ANK3: variants seen among roughly 807,000 people sequenced by gnomAD.
ANK3 encodes the protein ankyrin-3.
A neutral mutation model predicts 370.9 loss-of-function variants in ANK3; 57 were observed. The ratio of observed to expected loss-of-function variants is 0.15; its 90% CI spans 0.12 to 0.19. The LOEUF (loss-of-function observed/expected upper bound fraction) is 0.19, where lower values mean the gene tolerates loss of function less well. Ranked by LOEUF, ANK3 falls within the 10% of genes least tolerant of loss-of-function variation. The probability of loss-of-function intolerance (pLI) is 1.00; values close to 1 mark genes in which losing one functional copy is unlikely to be tolerated. For missense variants in ANK3, 4,439 were observed against 5,302.1 expected, an observed-to-expected ratio of 0.84 and a Z score of 5.06; for synonymous variants, 1,929 against 1,946.3, an observed-to-expected ratio of 0.99 and a Z score of 0.23.
At chr10:60,510,713 G>A (rs1451395264) in intron 2 of ANK3, among the ~76,000 whole-genome samples, 2 of 152,018 alleles carry the variant, frequency 1.3e-5, no homozygotes, top group African/African-American at 4.8e-5. Flanking sequence ...CCAGCTACTC[G>A]GGAGGCTGAA....
chr10:60,626,360 A>C (rs1425958984), intron 1 of ANK3, among the ~76,000 whole-genome samples: 1 of 152,186 alleles, frequency 6.6e-6, no homozygotes, highest in Non-Finnish European at 1.5e-5. Context: ...AGTAGGTCTA[A>C]TAACAACTAT....
At chr10:60,033,536 A>ACC (rs35202181) in intron 43 of ANK3, among the ~76,000 whole-genome samples, 1 of 98,394 alleles carries the variant, frequency 1.0e-5, no homozygotes, top group African/African-American at 3.9e-5. Context: ...AAAAAAAAAA[A>ACC]AAACTTGGAA....
chr10:60,075,531 C>A lies in ANK3; in HGVS notation c.5350G>T (p.Ala1784Ser). 1 of 1,613,840 alleles carries A rather than the reference C, an allele frequency of 6.2e-7. No individual in the cohort carries two copies. The highest frequency in any genetic ancestry group is 8.5e-7 in the Non-Finnish European group (1 of 1,179,986). Residue 1784 changes from alanine to serine, a missense_variant, in exon 37 of 44, where the codon GCA (alanine) becomes TCA (serine). Ala to Ser is a moderately conservative substitution (Grantham distance 99). Transcript: ENST00000280772. ...PFSPLRSYVS[A>S]APSAFQSLRT... The stretch of plus-strand genomic sequence containing the variant: ...AGAGACTGAAAAGCTGATGGTGCTG[C>A]AGAAACATATGACCTGAGTGGGGAA...
At position 60,027,719 on chromosome 10, in the gene ANK3, T is replaced by G. The variant is rs1437579537; in HGVS notation, c.*2127A>C. The G allele has an allele frequency of 6.6e-6, 1 of 152,240 alleles. No homozygotes were observed. The highest frequency in any genetic ancestry group is 1.5e-5 in the Non-Finnish European group (1 of 68,044). The allele number at this position is 152,240 out of a possible 1,614,324, so 9.4% of individuals were successfully genotyped here. A position where few individuals can be genotyped will look rare whatever the true frequency, so the allele number is the denominator to read the frequency against. Reference sequence around the variant, plus strand: ...TGATGATCACAGTTACTACTATCACTACTACCATATGCTAAGCTGGTAACT... The same window carrying G: ...TGATGATCACAGTTACTACTATCACGACTACCATATGCTAAGCTGGTAACT... On this transcript the variant is annotated 3_prime_UTR_variant, in exon 44 of 44. Coordinates refer to ENST00000280772, the MANE Select transcript of ANK3 (RefSeq NM_020987.5).
intron 41 of ANK3, 44 bp from the exon 42 acceptor site, chr10:60,056,080 G>A (rs778673875): frequency 1.3e-6 from 2 of 1,549,988 alleles, no homozygotes; most frequent in East Asian, 4.5e-5. Context: ...AACTATGACT[G>A]AATATAGGTT....
At chr10:60,042,953 T>A (rs2076370711) in intron 42 of ANK3, 194 bp from the exon 43 acceptor site, 1 of 1,377,100 alleles carries the variant, frequency 7.3e-7, no homozygotes, top group Admixed American at 3.4e-5. Context: ...TAGAGAGCAC[T>A]GTCAAAATGA....
At chr10:60,315,982 T>C (rs563269637) in intron 1 of ANK3, among the ~76,000 whole-genome samples, 2 of 152,272 alleles carry the variant, frequency 1.3e-5, no homozygotes, top group East Asian at 1.9e-4. Context: ...GGTGGGCTAA[T>C]TGCAATGGAA....
chr10:60,072,265 A>G lies in ANK3; in HGVS notation c.8616T>C (p.His2872=), dbSNP rs1348165085. The G allele has an allele frequency of 1.2e-6, 2 of 1,614,126 alleles. No individual in the cohort carries two copies. The highest frequency in any genetic ancestry group is 3.3e-5 in the Admixed American group (2 of 60,002). ...TCTCTCTTACATCATGAACAAGTAC[A>G]TGCGAAAGTTTTTCTTTCTGAGACT... ...NNKSQKEKLS[H]VLVHDVRENH... is the part of the protein sequence containing the mutation. Residue 2872 remains histidine, a synonymous_variant, in exon 37 of 44, where the codon CAT becomes CAC. Transcript: ENST00000280772.
At chr10:60,358,005 C>T (rs1470044145) in intron 1 of ANK3, among the ~76,000 whole-genome samples, 1 of 151,982 alleles carries the variant, frequency 6.6e-6, no homozygotes, top group Non-Finnish European at 1.5e-5. Context: ...ATCTCCTGTC[C>T]CTTTTACATT....
chr10:60,274,811 C>A (rs942625143), intron 4 of ANK3, among the ~76,000 whole-genome samples: 5 of 152,168 alleles, frequency 3.3e-5, no homozygotes, highest in Non-Finnish European at 2.9e-5. Context: ...ATTCAAGTAA[C>A]ACCCCAAAAT....
Position 60,389,589 on chromosome 10 carries a change from T to A in ANK3, c.-51A>T. ...GCACACACGGCTTCCTTGTAAAAGG[T>A]GATATCCTCAGGCACCTCTAATCAG... is the stretch of plus-strand genomic sequence containing the variant. On this transcript the variant is annotated 5_prime_UTR_variant, in exon 1 of 44. Coordinates refer to ENST00000280772, the MANE Select transcript of ANK3 (RefSeq NM_020987.5). 6.2e-7 allele frequency: 1 copy of A among 1,605,748 alleles called. No homozygotes were observed. Among genetic ancestry groups the A allele is most frequent in the Non-Finnish European group, 8.5e-7 (1 of 1,177,450 alleles).
At position 60,092,011 on chromosome 10, in the gene ANK3, G is replaced by A. The variant is rs796817361; in HGVS notation, c.3329-3653C>T. On this transcript the variant is annotated intron_variant, in intron 28 of 43. Transcript: ENST00000280772. Reference sequence around the variant, plus strand: ...CCCAAAGTGCTGGGATTACGGGCGTGAGCCACCGCGCCAGGCTACGTTTGT... The same window carrying A: ...CCCAAAGTGCTGGGATTACGGGCGTAAGCCACCGCGCCAGGCTACGTTTGT... 2.9e-4 allele frequency among the ~76,000 whole-genome samples: 44 copies of A among 152,298 alleles called. 1 individual carries two copies. The highest frequency in any genetic ancestry group is 9.9e-4 in the African/African-American group (41 of 41,562).
At chr10:60,660,934 A>ACACACACACACACACACACC (rs373156861) in intron 1 of ANK3, among the ~76,000 whole-genome samples, 341 of 151,844 alleles carry the variant, frequency 2.2e-3, no homozygotes, top group Middle Eastern at 6.8e-3. Context: ...ACACACACAC[A>ACACACACACACACACACACC]CCCCACATCT....
In ANK3 at chr10:60,073,680, C is replaced by G. The variant is rs1298792417; in HGVS notation, c.7201G>C (p.Glu2401Gln). The G allele has an allele frequency of 1.9e-6, 3 of 1,614,084 alleles. No homozygotes were observed. Among genetic ancestry groups the G allele is most frequent in the Non-Finnish European group, 2.5e-6 (3 of 1,179,992 alleles). The change falls in exon 37 of 44, where the codon GAG becomes CAG. Residue 2401 changes from glutamate to glutamine, a missense_variant. Around this residue, in one of 13 missense-constraint regions of ANK3, gnomAD observed 1,601 missense variants for 1,731.7 expected, o/e 0.92. Transcript: ENST00000280772. ...QQEEEELTAEESLPSYLESSR... is the reference protein window; with the variant it reads ...QQEEEELTAEQSLPSYLESSR... ...GACTCCAGATAAGAAGGCAATGACT[C>G]TTCAGCAGTAAGTTCTTCTTCTTCT...
At chr10:60,347,520 ATC>A (rs1163738151) in intron 1 of ANK3, among the ~76,000 whole-genome samples, 1 of 151,950 alleles carries the variant, frequency 6.6e-6, no homozygotes, top group African/African-American at 2.4e-5. Context: ...ACACCTCTGA[ATC>A]TCTGTTTCCT....
intron 1 of ANK3, among the ~76,000 whole-genome samples, chr10:60,388,828 G>A (rs1380223221): frequency 6.6e-6 from 1 of 152,140 alleles, no homozygotes; most frequent in Non-Finnish European, 1.5e-5. Context: ...TTTAACAAAA[G>A]AAAGTTATTT....
intron 2 of ANK3, among the ~76,000 whole-genome samples, chr10:60,597,247 C>T (rs1345260190): frequency 1.3e-5 from 2 of 152,122 alleles, no homozygotes; most frequent in African/African-American, 4.8e-5. Context: ...CCTCCTACCA[C>T]ACATGTTCTT....
chr10:60,168,676 G>C (rs1311387295), intron 21 of ANK3, among the ~76,000 whole-genome samples: 1 of 152,114 alleles, frequency 6.6e-6, no homozygotes, highest in Non-Finnish European at 1.5e-5. Flanking sequence ...TCGCATGCAT[G>C]AGCTATTTAT....
chr10:60,512,778 C>T (rs1006816882), intron 2 of ANK3, among the ~76,000 whole-genome samples: 18 of 152,060 alleles, frequency 1.2e-4, no homozygotes, highest in Non-Finnish European at 1.5e-5. Context: ...TCTGTGTTAT[C>T]ATTTGGATTA....
Sources: gnomAD v4.1 joint callset for allele counts (sites outside exome capture counted in the v4.1 genomes callset) on GRCh38, gnomAD v4.1.1 for gene constraint, gnomAD v4.1.1 regional missense constraint, MANE v1.5 for transcripts, NCBI Gene and HGNC (gene_info 2026-07-23, HGNC 2026-07-21) for gene names.